The following MTAP variants were observed in gnomAD, a reference collection of about 807,000 sequenced individuals.
The protein encoded by MTAP is S-methyl-5'-thioadenosine phosphorylase.
Under a neutral mutation model 33.6 loss-of-function variants are expected in MTAP, and 33 were observed. The ratio of observed to expected loss-of-function variants is 0.98; its 90% CI spans 0.74 to 1.31. The LOEUF (loss-of-function observed/expected upper bound fraction) is 1.31. MTAP is among the 40% of genes most tolerant of loss of function. The pLI, the probability that MTAP is intolerant of heterozygous loss-of-function variation, is 0.00. For synonymous variants in MTAP, 148 were observed against 125.7 expected (o/e 1.18, Z -1.19); for missense variants, 367 against 360.0 (o/e 1.02, Z -0.16).
At chr9:21,825,524 C>A (rs147680258) in intron 4 of MTAP, among the ~76,000 whole-genome samples, 2 of 152,264 alleles carry the variant, frequency 1.3e-5, no homozygotes, top group South Asian at 2.1e-4. Context: ...TCAACACTTA[C>A]TTTGTTTTGT....
Position 21,918,554 on chromosome 9 carries a change from T to TA in MTAP, c.148-12445dup, listed in dbSNP as rs907517582. Among the ~76,000 whole-genome samples the TA allele has an allele frequency of 5.9e-5, 9 of 151,292 alleles. No homozygotes were observed. In the South Asian group the frequency reaches 6.3e-4, roughly 11 times the overall value. On this transcript the variant is annotated intron_variant, in intron 1 of 1. Coordinates refer to the MTAP transcript ENST00000577563. ...CTGTACCCCCAAAAACTATTGAAAT[T>TA]AAAAAAAAATTGTGATTGATGTGGT...
Position 21,814,283 on chromosome 9 carries a change from C to T in MTAP, c.34-1150C>T, listed in dbSNP as rs180734219. On this transcript the variant is annotated intron_variant, in intron 1 of 7. Coordinates refer to ENST00000644715, the MANE Select transcript of MTAP (RefSeq NM_002451.4). ...TTTTTTACGTGTTGATAGGACTCAA[C>T]TTGTGTAACCTGACCTGAAAATTAT... Among the ~76,000 whole-genome samples the T allele has an allele frequency of 1.2e-4, 18 of 152,256 alleles. No homozygotes were observed. In the East Asian group the frequency reaches 2.7e-3, roughly 23 times the overall value.
chr9:21,861,883 G>T, intron 7 of MTAP, 93 bp from the exon 8 acceptor site: 1 of 851,358 alleles, frequency 1.2e-6, no homozygotes, highest in Non-Finnish European at 2.0e-6. Context: ...TCCTCACTTT[G>T]ATCTAGAAAA....
At chr9:21,870,167 T>C (rs114331250), downstream of MTAP, among the ~76,000 whole-genome samples, 885 of 152,358 alleles carry the variant, frequency 5.8e-3, 5 homozygotes, top group African/African-American at 0.02. Flanking sequence ...CCAAACATCG[T>C]ATTTTAACAG....
chr9:21,815,667 G>C, intron 2 of MTAP, 148 bp downstream of exon 2: 1 of 653,046 alleles, frequency 1.5e-6, no homozygotes, highest in Non-Finnish European at 2.7e-6. Context: ...CAGAAGTTCT[G>C]CTGTTGGGTT....
At chr9:21,825,825 CA>C (rs1251579806) in intron 4 of MTAP, among the ~76,000 whole-genome samples, 1 of 151,992 alleles carries the variant, frequency 6.6e-6, no homozygotes, top group Non-Finnish European at 1.5e-5. Flanking sequence ...TGGGTGACAG[CA>C]AAAAAGCCAT....
chr9:21,894,030 T>G (rs78632792), intron 1 of MTAP, among the ~76,000 whole-genome samples: 194 of 151,908 alleles, frequency 1.3e-3, no homozygotes, highest in African/African-American at 4.4e-3. Flanking sequence ...AATCCAGCAT[T>G]GTATCAAAAA....
chr9:21,911,008 C>A (rs1247238578), intron 1 of MTAP, among the ~76,000 whole-genome samples: 1 of 152,054 alleles, frequency 6.6e-6, no homozygotes, highest in Non-Finnish European at 1.5e-5. Flanking sequence ...AGACTTTAAA[C>A]CAACAAAGAT....
At chr9:21,817,991 G>A (rs1272255819) in intron 3 of MTAP, 44 bp from the exon 4 acceptor site, 1 of 1,566,688 alleles carries the variant, frequency 6.4e-7, no homozygotes, top group East Asian at 2.3e-5. Flanking sequence ...AACAGTTGGT[G>A]GTGTACTCAT....
intron 2 of MTAP, among the ~76,000 whole-genome samples, chr9:21,816,245 A>G (rs967427541): frequency 6.6e-6 from 1 of 152,140 alleles, no homozygotes; most frequent in African/African-American, 2.4e-5. Context: ...CCTCGGTTCT[A>G]AGGGTCTTTC....
At chr9:21,831,479 G>A (rs987229632) in intron 4 of MTAP, among the ~76,000 whole-genome samples, 1 of 146,306 alleles carries the variant, frequency 6.8e-6, no homozygotes, top group Non-Finnish European at 1.5e-5. Flanking sequence ...ACAGGAATCT[G>A]CCACTGTGCT....
intron 1 of MTAP, among the ~76,000 whole-genome samples, chr9:21,889,053 T>C (rs1387088952): frequency 3.3e-5 from 5 of 152,146 alleles, no homozygotes; most frequent in Non-Finnish European, 7.3e-5. Context: ...AAATTTTCTT[T>C]GATTATTTCC....
chr9:21,836,462 G>T (rs1284959073), intron 4 of MTAP, among the ~76,000 whole-genome samples: 1 of 152,156 alleles, frequency 6.6e-6, no homozygotes, highest in Admixed American at 6.5e-5. Flanking sequence ...GTTATGGTGT[G>T]GAAGTCAGTT....
At chr9:21,914,243 A>G (rs1447543633) in intron 1 of MTAP, among the ~76,000 whole-genome samples, 2 of 152,354 alleles carry the variant, frequency 1.3e-5, no homozygotes, top group Non-Finnish European at 1.5e-5. Context: ...AGGATCTAGA[A>G]CTAGAAATAT....
chr9:21,929,398 C>G (rs1818919257), intron 1 of MTAP: 1 of 160,856 alleles, frequency 6.2e-6, no homozygotes. Context: ...ACCAGGAGTT[C>G]CAGTGGCAGC....
At chr9:21,844,093 A>G (rs933242362) in intron 5 of MTAP, among the ~76,000 whole-genome samples, 2 of 152,240 alleles carry the variant, frequency 1.3e-5, no homozygotes, top group Non-Finnish European at 2.9e-5. Context: ...CAAGGCTACT[A>G]TGAACACCTT....
Position 21,809,393 on chromosome 9 carries a change from A to C in MTAP, c.34-6040A>C, listed in dbSNP as rs374189346. On this transcript the variant is annotated intron_variant, in intron 1 of 7. Coordinates refer to ENST00000644715, the MANE Select transcript of MTAP (RefSeq NM_002451.4). ...GGTGGCTCATGCCTGTAATCCCAGC[A>C]CTTTGGGAGGCTGAGGCGGGCGGAT... Among the ~76,000 whole-genome samples, 773 of 151,780 alleles carry C rather than the reference A, an allele frequency of 5.1e-3. 14 individuals carry two copies. Among genetic ancestry groups the C allele is most frequent in the African/African-American group, 0.017 (699 of 41,388 alleles).
At chr9:21,882,948 T>C (rs1422874859) in intron 1 of MTAP, among the ~76,000 whole-genome samples, 1 of 151,772 alleles carries the variant, frequency 6.6e-6, no homozygotes, top group East Asian at 1.9e-4. Context: ...GAGGGAAATT[T>C]ATAGTTTTTA....
chr9:21,808,021 G>A (rs548193299), intron 1 of MTAP, among the ~76,000 whole-genome samples: 1 of 152,326 alleles, frequency 6.6e-6, no homozygotes, highest in South Asian at 2.1e-4. Flanking sequence ...CTCAAAGCGT[G>A]TCATGCATTC....
Sources: gnomAD v4.1 joint callset for allele counts (sites outside exome capture counted in the v4.1 genomes callset) on GRCh38, gnomAD v4.1.1 for gene constraint, MANE v1.5 for transcripts, NCBI Gene and HGNC (gene_info 2026-07-23, HGNC 2026-07-21) for gene names.